The following TRPS1 variants were observed in gnomAD, a reference collection of about 807,000 sequenced individuals.
TRPS1 encodes transcriptional repressor GATA binding 1.
Under a neutral mutation model 101.2 loss-of-function variants are expected in TRPS1, and 6 were observed. That is an observed-to-expected ratio of 0.06 (90% CI 0.03 to 0.12). The LOEUF (loss-of-function observed/expected upper bound fraction) is 0.12. Among genes scored for constraint, TRPS1 ranks in the 10% least tolerant of loss-of-function variants. The pLI, the probability that TRPS1 is intolerant of heterozygous loss-of-function variation, is 1.00. For missense variants in TRPS1, 1,363 were observed against 1,567.0 expected (o/e 0.87, Z 2.20); for synonymous variants, 578 against 589.8 (o/e 0.98, Z 0.29).
At chr8:115,486,293 G>T (rs1814878174) in intron 5 of TRPS1, among the ~76,000 whole-genome samples, 1 of 152,244 alleles carries the variant, frequency 6.6e-6, no homozygotes, top group Middle Eastern at 3.4e-3. Flanking sequence ...TAAGTGCTGC[G>T]TGTGTTCTGA....
intron 5 of TRPS1, among the ~76,000 whole-genome samples, chr8:115,449,129 T>C (rs965440224): frequency 6.6e-6 from 1 of 152,226 alleles, no homozygotes; most frequent in East Asian, 1.9e-4. Context: ...TATTACAATA[T>C]GACTAATTTC....
chr8:115,559,492 C>T (rs954885290), intron 5 of TRPS1, among the ~76,000 whole-genome samples: 1 of 151,858 alleles, frequency 6.6e-6, no homozygotes, highest in African/African-American at 2.4e-5. Context: ...TGTTTATTAC[C>T]CTTGAATGTT....
intron 5 of TRPS1, among the ~76,000 whole-genome samples, chr8:115,438,045 A>C (rs1813499481): frequency 6.6e-6 from 1 of 152,206 alleles, no homozygotes; most frequent in Non-Finnish European, 1.5e-5. Context: ...AAATGAAAGC[A>C]AGTCAATACC....
At chr8:115,623,489 T>A in intron 2 of TRPS1, 112 bp downstream of exon 2, 1 of 1,285,406 alleles carries the variant, frequency 7.8e-7, no homozygotes, top group Non-Finnish European at 1.1e-6. Context: ...CATAAGACTA[T>A]AGCCACCCTC....
intron 5 of TRPS1, among the ~76,000 whole-genome samples, chr8:115,550,366 C>T (rs1816675241): frequency 6.6e-6 from 1 of 152,170 alleles, no homozygotes; most frequent in Admixed American, 6.5e-5. Context: ...GGTGGACTCT[C>T]ATGCTGGCTC....
intron 5 of TRPS1, among the ~76,000 whole-genome samples, chr8:115,452,341 C>T (rs896142382): frequency 2.6e-5 from 4 of 151,968 alleles, no homozygotes; most frequent in Non-Finnish European, 5.9e-5. Context: ...TGGTCAGACC[C>T]GCAGAGAGGA....
intron 5 of TRPS1, among the ~76,000 whole-genome samples, chr8:115,481,430 C>T (rs951549103): frequency 1.3e-5 from 2 of 151,522 alleles, no homozygotes; most frequent in Non-Finnish European, 2.9e-5. Context: ...AAAACCCATA[C>T]AGAGTAATTA....
intron 5 of TRPS1, among the ~76,000 whole-genome samples, chr8:115,429,623 C>T (rs1488217121): frequency 6.6e-6 from 1 of 152,124 alleles, no homozygotes; most frequent in Non-Finnish European, 1.5e-5. Flanking sequence ...TTTTGTACAT[C>T]GAGCAGAATA....
intron 5 of TRPS1, among the ~76,000 whole-genome samples, chr8:115,547,725 G>A (rs776207591): frequency 2.0e-5 from 3 of 152,078 alleles, no homozygotes; most frequent in Non-Finnish European, 2.9e-5. Context: ...TTTCACTCCC[G>A]AAGAGTAGCT....
intron 5 of TRPS1, among the ~76,000 whole-genome samples, chr8:115,496,597 A>G (rs988114801): frequency 6.6e-6 from 1 of 152,218 alleles, no homozygotes; most frequent in Admixed American, 6.5e-5. Flanking sequence ...CATTTATTAT[A>G]AAGTGCCAGG....
chr8:115,587,073 A>G lies in TRPS1; in HGVS notation c.2628T>C (p.Ser876=). 6.2e-7 allele frequency: 1 copy of G among 1,614,136 alleles called. No individual in the cohort carries two copies. Among genetic ancestry groups the G allele is most frequent in the Non-Finnish European group, 8.5e-7 (1 of 1,180,002 alleles). Residue 876 remains serine (S), a synonymous_variant, in exon 5 of 7, where the codon TCT becomes TCC. Coordinates refer to ENST00000395715, the MANE Select transcript of TRPS1 (RefSeq NM_014112.5). The stretch of plus-strand genomic sequence containing the variant: ...CAGGATACTGCTGGGGGAGGGCCCC[A>G]GACTTCTCTCCGCCAGCTGGCGCCC... ...LQGAPAGGEK[S]GALPQQYPAS...
chr8:115,560,439 G>T (rs1476714580), intron 5 of TRPS1, among the ~76,000 whole-genome samples: 1 of 152,070 alleles, frequency 6.6e-6, no homozygotes, highest in African/African-American at 2.4e-5. Context: ...AGGTGTAAAG[G>T]GGCCATTTAA....
rs182503275 is a variant in TRPS1 at position 115,639,881 on chromosome 8, G to A, written c.-121-16123C>T. Reference sequence around the variant, plus strand: ...TAATACTGGTAGTGGAATGTCAGTCGCCTGCCTATGTCACTTCATGAGGTA... The same window carrying A: ...TAATACTGGTAGTGGAATGTCAGTCACCTGCCTATGTCACTTCATGAGGTA... On this transcript the variant is annotated intron_variant, in intron 1 of 6. Coordinates refer to ENST00000395715, the MANE Select transcript of TRPS1 (RefSeq NM_014112.5). Among the ~76,000 whole-genome samples, 337 of 152,146 alleles carry A rather than the reference G, an allele frequency of 2.2e-3. 1 individual carries two copies. The highest frequency in any genetic ancestry group is 3.8e-3 in the Non-Finnish European group (256 of 67,964).
chr8:115,640,770 G>A lies in TRPS1; in HGVS notation c.-121-17012C>T, dbSNP rs1162595165. Among the ~76,000 whole-genome samples the A allele has an allele frequency of 3.9e-5, 6 of 152,188 alleles. No homozygotes were observed. In the East Asian group the frequency reaches 1.2e-3, roughly 29 times the overall value. On this transcript the variant is annotated intron_variant, in intron 1 of 6. Transcript: ENST00000395715. ...GTAGTCTATGTTCAAATTAGGAGAGGCTCTTGGTTAGAGGTAAACTGAAGC... is the reference window on the plus strand; with the variant it reads ...GTAGTCTATGTTCAAATTAGGAGAGACTCTTGGTTAGAGGTAAACTGAAGC...
chr8:115,605,058 C>T (rs1425935821), intron 3 of TRPS1, 56 bp from the exon 4 acceptor site: 1 of 1,550,254 alleles, frequency 6.5e-7, no homozygotes, highest in Non-Finnish European at 8.8e-7. Flanking sequence ...TCAATGGGCC[C>T]TCTGCAGGGG....
At chr8:115,437,591 A>G (rs1813487616) in intron 5 of TRPS1, among the ~76,000 whole-genome samples, 1 of 152,216 alleles carries the variant, frequency 6.6e-6, no homozygotes, top group South Asian at 2.1e-4. Context: ...ATACGTCAAA[A>G]AATAAATAAT....
At chr8:115,628,625 G>A (rs896990438) in intron 1 of TRPS1, among the ~76,000 whole-genome samples, 8 of 151,728 alleles carry the variant, frequency 5.3e-5, no homozygotes, top group Admixed American at 2.0e-4. Flanking sequence ...CATATAATCC[G>A]TTCATAATTT....
chr8:115,509,557 G>C (rs561308711), intron 5 of TRPS1: 1 of 152,128 alleles, frequency 6.6e-6, no homozygotes, highest in African/African-American at 2.4e-5. Context: ...CTGCAATGCA[G>C]TAAATGGTTC....
intron 5 of TRPS1, among the ~76,000 whole-genome samples, chr8:115,498,128 AG>A (rs1219304322): frequency 2.0e-5 from 3 of 152,100 alleles, no homozygotes; most frequent in Non-Finnish European, 4.4e-5. Context: ...CTGTCATCCC[AG>A]CACTTTGGGA....
Sources: allele counts gnomAD v4.1 joint callset (sites outside exome capture counted in the v4.1 genomes callset), GRCh38; gene constraint gnomAD v4.1.1; transcripts MANE v1.5; gene names NCBI Gene and HGNC (gene_info 2026-07-23, HGNC 2026-07-21).